The following SYNM variants were observed in gnomAD, a reference collection of about 807,000 sequenced individuals.
The protein encoded by SYNM is synemin, also known as desmuslin.
Under a neutral mutation model 104.0 loss-of-function variants are expected in SYNM, and 95 were observed. The observed-to-expected ratio is 0.91, with a 90% CI of 0.77 to 1.08. SYNM has a LOEUF of 1.08. SYNM is among the 50% of genes least tolerant of loss of function. The pLI is 0.00. For missense variants in SYNM, 2,150 were observed against 2,052.2 expected (o/e 1.05, Z -0.92); for synonymous variants, 918 against 869.0 (o/e 1.06, Z -0.99).
chr15:99,114,403 A>G (rs1670248), intron 2 of SYNM, among the ~76,000 whole-genome samples: 88,049 of 151,478 alleles, frequency 0.58, 25,674 homozygotes, highest in Middle Eastern at 0.68. Context: ...TCCCTCCCTC[A>G]ACACGTGGGG....
In SYNM at chr15:99,105,224, G is replaced by C. The variant is rs1397643682; in HGVS notation, c.25G>C (p.Gly9Arg). MLSWRLQT[G>R]PEKAELQELN... The stretch of plus-strand genomic sequence containing the variant: ...GATGCTGTCCTGGCGGCTGCAGACG[G>C]GCCCCGAGAAGGCCGAGCTCCAGGA... Residue 9 changes from glycine to arginine, a missense_variant, in exon 1 of 4, where the codon GGC becomes CGC. Gly to Arg is a moderately radical substitution (Grantham distance 125). Coordinates refer to ENST00000336292, the MANE Select transcript of SYNM (RefSeq NM_145728.3). The C allele has an allele frequency of 4.4e-6, 7 of 1,574,754 alleles. No individual in the cohort carries two copies. Among genetic ancestry groups the C allele is most frequent in the Non-Finnish European group, 6.0e-6 (7 of 1,161,936 alleles).
intron 1 of SYNM, among the ~76,000 whole-genome samples, chr15:99,111,889 A>G (rs1360938897): frequency 6.6e-6 from 1 of 152,202 alleles, no homozygotes; most frequent in Admixed American, 6.5e-5. Flanking sequence ...TACTAACAAT[A>G]CAAAAATCAG....
chr15:99,106,071 C>G (rs1201317819), intron 1 of SYNM, 62 bp downstream of exon 1: 7 of 1,348,618 alleles, frequency 5.2e-6, no homozygotes, highest in Middle Eastern at 2.7e-4. Context: ...GCACCCTGCC[C>G]TTGACGGCGT....
In SYNM at chr15:99,131,074, C is replaced by G; in HGVS notation, c.2714C>G (p.Thr905Ser). 2 of 1,605,706 alleles carry G rather than the reference C, an allele frequency of 1.2e-6. No homozygotes were observed. Among genetic ancestry groups the G allele is most frequent in the South Asian group, 2.2e-5 (2 of 89,728 alleles). Reference protein sequence around the residue: ...APSLEGDLGSTHWKEQARSGE... With the variant: ...APSLEGDLGSSHWKEQARSGE... Reference sequence around the variant, plus strand: ...TCTCTGGAGGGGGACCTGGGTTCCACTCACTGGAAAGAACAAGCTAGAAGC... The same window carrying G: ...TCTCTGGAGGGGGACCTGGGTTCCAGTCACTGGAAAGAACAAGCTAGAAGC... The change falls in exon 4 of 4, where the codon ACT becomes AGT. Residue 905 changes from threonine to serine, a missense_variant. Coordinates refer to ENST00000336292, the MANE Select transcript of SYNM (RefSeq NM_145728.3). The surrounding 1 kb of genome is among the most constrained non-coding windows in gnomAD (Gnocchi z 4.3).
chr15:99,121,563 A>T (rs2067401248), intron 2 of SYNM, among the ~76,000 whole-genome samples: 1 of 152,184 alleles, frequency 6.6e-6, no homozygotes, highest in Admixed American at 6.5e-5. Flanking sequence ...TGATGATGAG[A>T]TGGTGAAAAC....
At chr15:99,117,691 G>A (rs1189200678) in intron 2 of SYNM, among the ~76,000 whole-genome samples, 1 of 152,126 alleles carries the variant, frequency 6.6e-6, no homozygotes, top group African/African-American at 2.4e-5. Flanking sequence ...ATCCTGAAAA[G>A]CCAGTGTAAA....
rs1555485805 is a variant in SYNM at position 99,131,261 on chromosome 15, G to A, written c.2901G>A (p.Glu967=). 6.2e-7 allele frequency: 1 copy of A among 1,611,086 alleles called. No individual in the cohort carries two copies. The highest frequency in any genetic ancestry group is 8.5e-7 in the Non-Finnish European group (1 of 1,178,946). Reference sequence around the variant, plus strand: ...CCCTTCCCGAGCGCATGAGGGAGGAGCTGTCCGCCCTCACCAGAGAGGGGC... The same window carrying A: ...CCCTTCCCGAGCGCATGAGGGAGGAACTGTCCGCCCTCACCAGAGAGGGGC... ...EETLPERMRE[E]LSALTREGQG... is the part of the protein sequence containing the mutation. Residue 967 remains glutamate, a synonymous_variant, in exon 4 of 4, where the codon GAG becomes GAA. Transcript: ENST00000336292. The surrounding 1 kb of genome is among the most constrained non-coding windows in gnomAD (Gnocchi z 4.3).
Position 99,105,497 on chromosome 15 carries a change from G to T in SYNM, c.298G>T (p.Ala100Ser). 1.5e-6 allele frequency: 2 copies of T among 1,299,304 alleles called. No individual in the cohort carries two copies. The highest frequency in any genetic ancestry group is 1.9e-6 in the Non-Finnish European group (2 of 1,027,680). The allele number at this position is 1,299,304 out of a possible 1,614,324, so 80.5% of individuals were successfully genotyped here. A position where few individuals can be genotyped will look rare whatever the true frequency, so the allele number is the denominator to read the frequency against. Reference sequence around the variant, plus strand: ...GCTGCGGGAGCTGCAGCGCCTGGATGCGGAGGAGCGCGCCGCCCGCGGCCG... The same window carrying T: ...GCTGCGGGAGCTGCAGCGCCTGGATTCGGAGGAGCGCGCCGCCCGCGGCCG... ...RELRELQRLD[A>S]EERAARGRLD... Residue 100 changes from alanine to serine, a missense_variant, in exon 1 of 4, where the codon GCG becomes TCG. Physicochemically the swap from Ala to Ser is moderately conservative, Grantham distance 99. Coordinates refer to ENST00000336292, the MANE Select transcript of SYNM (RefSeq NM_145728.3).
rs112065296 is a variant in SYNM at position 99,106,013 on chromosome 15, C to T, written c.810+4C>T. On this transcript the variant is annotated splice_donor_region_variant and intron_variant, in intron 1 of 3. Transcript: ENST00000336292. The stretch of plus-strand genomic sequence containing the variant: ...GATACAGGCCGAGGAGCGGCAGGTC[C>T]GTGCGCGGGGATGGCGCGCTGACCC... The T allele has an allele frequency of 2.1e-6, 3 of 1,446,402 alleles. No individual in the cohort carries two copies. The highest frequency in any genetic ancestry group is 2.7e-6 in the Non-Finnish European group (3 of 1,105,180). 89.6% of individuals were successfully genotyped at this position (1,446,402 alleles called of 1,614,324 possible).
downstream of SYNM, among the ~76,000 whole-genome samples, chr15:99,138,941 A>G (rs782627814): frequency 1.1e-4 from 17 of 152,196 alleles, no homozygotes; most frequent in Non-Finnish European, 1.8e-4. Context: ...CTTTAAGGTC[A>G]GTCAGTGAAC....
chr15:99,123,790 C>T (rs1273293380), intron 2 of SYNM, among the ~76,000 whole-genome samples: 3 of 152,266 alleles, frequency 2.0e-5, no homozygotes, highest in Non-Finnish European at 4.4e-5. Flanking sequence ...CCTGACAGTG[C>T]CTCATTTATG....
At chr15:99,135,653 A>G (rs978584934), downstream of SYNM, 2 of 152,622 alleles carry the variant, frequency 1.3e-5, no homozygotes, top group Non-Finnish European at 2.9e-5. Flanking sequence ...TTAAACTCTA[A>G]GTAAAGAATC....
Position 99,130,803 on chromosome 15 carries a change from G to A in SYNM, c.2443G>A (p.Val815Met), listed in dbSNP as rs373216120. 1.5e-5 allele frequency: 25 copies of A among 1,613,868 alleles called. No individual in the cohort carries two copies. Among genetic ancestry groups the A allele is most frequent in the Middle Eastern group, 1.6e-4 (1 of 6,084 alleles). The change falls in exon 4 of 4, where the codon GTG becomes ATG. Residue 815 changes from valine to methionine, a missense_variant. Transcript: ENST00000336292. Reference protein sequence around the residue: ...TKQPQENTTHVEEVTEAGDSE... With the variant: ...TKQPQENTTHMEEVTEAGDSE... ...GCAGCCTCAGGAGAACACGACTCAC[G>A]TGGAAGAAGTGACAGAGGCAGGTGA...
downstream of SYNM, chr15:99,140,293 A>G (rs2068075635): frequency 1.3e-5 from 2 of 152,422 alleles, no homozygotes; most frequent in Admixed American, 1.3e-4. Flanking sequence ...AAACACAAAT[A>G]TTAAGCTCAA....
intron 1 of SYNM, 34 bp downstream of exon 1, chr15:99,106,043 C>T: frequency 1.4e-6 from 2 of 1,408,076 alleles, no homozygotes; most frequent in East Asian, 2.8e-5. Flanking sequence ...TGACCCCATA[C>T]CCGCTGCCGT....
rs782298489 is a variant in SYNM, at chr15:99,130,617, G to A, written c.2257G>A (p.Val753Met). Residue 753 changes from valine to methionine, a missense_variant, in exon 4 of 4, where the codon GTG (valine) becomes ATG (methionine). Val to Met is a conservative substitution (Grantham distance 21). Transcript: ENST00000336292. Reference protein sequence around the residue: ...VVNVEIVEEPVSYVSGEKPEE... With the variant: ...VVNVEIVEEPMSYVSGEKPEE... ...CAACGTGGAGATCGTGGAGGAGCCCGTGAGTTATGTCAGCGGGGAGAAGCC... is the reference window on the plus strand; with the variant it reads ...CAACGTGGAGATCGTGGAGGAGCCCATGAGTTATGTCAGCGGGGAGAAGCC... 34 of 1,613,454 alleles carry A rather than the reference G, an allele frequency of 2.1e-5. No homozygotes were observed. Among genetic ancestry groups the A allele is most frequent in the Middle Eastern group, 1.6e-4 (1 of 6,084 alleles).
intron 2 of SYNM, among the ~76,000 whole-genome samples, chr15:99,120,837 G>C (rs577903727): frequency 6.6e-6 from 1 of 152,132 alleles, no homozygotes; most frequent in South Asian, 2.1e-4. Flanking sequence ...GAGAGGGAGA[G>C]GGACTATAGG....
rs2067490002 is a variant in SYNM at position 99,130,482 on chromosome 15, T to C, written c.2122T>C (p.Leu708=). Reference sequence around the variant, plus strand: ...CGATGAAGCTGGCCTGGACTACCTTTTAAGCAAGGATATTAAGGAAGTGGG... The same window carrying C: ...CGATGAAGCTGGCCTGGACTACCTTCTAAGCAAGGATATTAAGGAAGTGGG... ...VSDEAGLDYL[L]SKDIKEVGLK... is the part of the protein sequence containing the mutation. Residue 708 remains leucine, a synonymous_variant, in exon 4 of 4, where the codon TTA becomes CTA. Transcript: ENST00000336292. The C allele has an allele frequency of 6.2e-7, 1 of 1,613,774 alleles. No individual in the cohort carries two copies. The highest frequency in any genetic ancestry group is 1.3e-5 in the African/African-American group (1 of 74,910).
intron 1 of SYNM, among the ~76,000 whole-genome samples, chr15:99,109,577 G>C (rs530630168): frequency 8.5e-5 from 13 of 152,260 alleles, no homozygotes; most frequent in Admixed American, 6.5e-4. Context: ...CTTTGGGCAG[G>C]TTACGTTCCT....
Sources: gnomAD v4.1 joint callset for allele counts (sites outside exome capture counted in the v4.1 genomes callset) on GRCh38, gnomAD v4.1.1 for gene constraint, Gnocchi (gnomAD v3.1) non-coding constraint, MANE v1.5 for transcripts, NCBI Gene and HGNC (gene_info 2026-07-23, HGNC 2026-07-21) for gene names.